The following KCNQ3 variants were observed in gnomAD, a reference collection of about 807,000 sequenced individuals.
KCNQ3 encodes potassium voltage-gated channel subfamily KQT member 3.
In KCNQ3, 30 loss-of-function variants were observed where a neutral mutation model predicts 92.5. The observed-to-expected ratio is 0.32, with a 90% CI of 0.24 to 0.44. KCNQ3 has a LOEUF of 0.44. Among genes scored for constraint, KCNQ3 ranks in the 20% least tolerant of loss-of-function variants. The probability of loss-of-function intolerance (pLI) is 1.00; values close to 1 mark genes in which losing one functional copy is unlikely to be tolerated. For missense variants in KCNQ3, 913 were observed against 1,140.3 expected (o/e 0.80, Z 2.87); for synonymous variants, 450 against 468.8 (o/e 0.96, Z 0.52).
At chr8:132,169,942 C>G (rs1381247714) in intron 8 of KCNQ3, among the ~76,000 whole-genome samples, 2 of 152,076 alleles carry the variant, frequency 1.3e-5, no homozygotes, top group African/African-American at 4.8e-5. Context: ...AGCACAATCT[C>G]TGGTCACAGA....
rs1284573546 is a variant in KCNQ3, at chr8:132,480,547, C to G, written c.-15G>C. The stretch of plus-strand genomic sequence containing the variant: ...TTGAGCCCCATCTGCCTCGCCCCCG[C>G]CGGCCGCTTCGCCTTCTCCGCTGCT... On this transcript the variant is annotated 5_prime_UTR_variant, in exon 1 of 15. Transcript: ENST00000388996. 4 of 1,255,098 alleles carry G rather than the reference C, an allele frequency of 3.2e-6. No homozygotes were observed. Among genetic ancestry groups the G allele is most frequent in the Non-Finnish European group, 2.0e-6 (2 of 978,614 alleles). 77.7% of individuals were successfully genotyped at this position (1,255,098 alleles called of 1,614,324 possible). A position where few individuals can be genotyped will look rare whatever the true frequency, so the allele number is the denominator to read the frequency against.
At chr8:132,130,066 GA>G in intron 14 of KCNQ3, 70 bp from the exon 15 acceptor site, 2 of 1,409,546 alleles carry the variant, frequency 1.4e-6, no homozygotes. Context: ...TGGTTGGGAG[GA>G]AATATTCTTT....
At chr8:132,435,925 G>A (rs190968830) in intron 1 of KCNQ3, among the ~76,000 whole-genome samples, 23 of 152,190 alleles carry the variant, frequency 1.5e-4, no homozygotes, top group Middle Eastern at 6.8e-3. Context: ...GTATTGCCCC[G>A]CCAGCTTCCA....
At chr8:132,256,359 T>C (rs189234257) in intron 1 of KCNQ3, among the ~76,000 whole-genome samples, 27 of 152,126 alleles carry the variant, frequency 1.8e-4, no homozygotes, top group Admixed American at 1.6e-3. Flanking sequence ...CCTAGAGACC[T>C]GAGAGACACC....
At chr8:132,398,536 G>A (rs1820253442) in intron 1 of KCNQ3, among the ~76,000 whole-genome samples, 1 of 152,148 alleles carries the variant, frequency 6.6e-6, no homozygotes, top group Non-Finnish European at 1.5e-5. Context: ...CATTTGGGGT[G>A]CCCGAAGAAC....
chr8:132,183,907 G>A (rs1826872553), intron 3 of KCNQ3, among the ~76,000 whole-genome samples: 1 of 152,204 alleles, frequency 6.6e-6, no homozygotes, highest in Admixed American at 6.5e-5. Context: ...GATTGTCACA[G>A]TGACTGGGGG....
At chr8:132,267,316 T>C (rs1342146463) in intron 1 of KCNQ3, among the ~76,000 whole-genome samples, 2 of 152,176 alleles carry the variant, frequency 1.3e-5, no homozygotes, top group African/African-American at 2.4e-5. Context: ...CCATTGCCAT[T>C]ATCTTGACTC....
At chr8:132,372,749 G>C (rs1164138661) in intron 1 of KCNQ3, among the ~76,000 whole-genome samples, 1 of 117,410 alleles carries the variant, frequency 8.5e-6, no homozygotes, top group African/African-American at 3.8e-5. Context: ...CACAGAGTGA[G>C]ACTTTGTCTC....
chr8:132,398,775 G>T (rs979468256), intron 1 of KCNQ3, among the ~76,000 whole-genome samples: 3 of 152,188 alleles, frequency 2.0e-5, no homozygotes, highest in African/African-American at 7.2e-5. Context: ...GAAGCAAAGG[G>T]AGAGAAGGAA....
intron 1 of KCNQ3, among the ~76,000 whole-genome samples, chr8:132,261,432 C>G (rs1815781965): frequency 6.6e-6 from 1 of 152,224 alleles, no homozygotes; most frequent in African/African-American, 2.4e-5. Flanking sequence ...TGGCCTGAGT[C>G]TCTCATGCAT....
chr8:132,458,336 G>A (rs376920303), intron 1 of KCNQ3, among the ~76,000 whole-genome samples: 2 of 152,234 alleles, frequency 1.3e-5, no homozygotes, highest in African/African-American at 4.8e-5. Context: ...GCATTGCAGT[G>A]GGCCAGGCCC....
At chr8:132,433,190 C>T (rs1004614935) in intron 1 of KCNQ3, among the ~76,000 whole-genome samples, 3 of 152,088 alleles carry the variant, frequency 2.0e-5, no homozygotes, top group Non-Finnish European at 4.4e-5. Flanking sequence ...TAGAAGTCAA[C>T]CCCACTCATC....
intron 1 of KCNQ3, among the ~76,000 whole-genome samples, chr8:132,383,721 G>A (rs772515504): frequency 5.9e-5 from 9 of 152,142 alleles, no homozygotes; most frequent in Non-Finnish European, 1.2e-4. Context: ...GATGCGGATC[G>A]GGACAGGGTG....
At chr8:132,291,883 A>G (rs1816846146) in intron 1 of KCNQ3, among the ~76,000 whole-genome samples, 1 of 152,226 alleles carries the variant, frequency 6.6e-6, no homozygotes, top group African/African-American at 2.4e-5. Context: ...CTTGGCCTCC[A>G]TAAGTTGCAG....
At chr8:132,224,345 G>A (rs1814338882) in intron 1 of KCNQ3, among the ~76,000 whole-genome samples, 1 of 152,010 alleles carries the variant, frequency 6.6e-6, no homozygotes, top group African/African-American at 2.4e-5. Flanking sequence ...AGGATTAATT[G>A]CTTTTTAAAA....
At chr8:132,165,125 C>G (rs1826105551) in intron 8 of KCNQ3, among the ~76,000 whole-genome samples, 1 of 152,164 alleles carries the variant, frequency 6.6e-6, no homozygotes, top group Non-Finnish European at 1.5e-5. Context: ...CAGCTGTCAC[C>G]TACACTCACT....
intron 1 of KCNQ3, among the ~76,000 whole-genome samples, chr8:132,353,248 C>CA (rs954646144): frequency 6.6e-6 from 1 of 151,342 alleles, no homozygotes; most frequent in Non-Finnish European, 1.5e-5. Flanking sequence ...AGCCCTCCGC[C>CA]AAAAAAAGTA....
intron 1 of KCNQ3, among the ~76,000 whole-genome samples, chr8:132,379,396 G>C (rs1395405177): frequency 2.0e-5 from 3 of 151,948 alleles, no homozygotes; most frequent in Non-Finnish European, 4.4e-5. Flanking sequence ...GACTCATGTT[G>C]TTCAGTTGAG....
intron 1 of KCNQ3, among the ~76,000 whole-genome samples, chr8:132,230,326 G>C (rs377157362): frequency 6.6e-6 from 1 of 151,688 alleles, no homozygotes; most frequent in African/African-American, 2.4e-5. Flanking sequence ...AAGCCCCCCC[G>C]CCCACTAGAG....
Sources: allele counts gnomAD v4.1 joint callset (sites outside exome capture counted in the v4.1 genomes callset), GRCh38; gene constraint gnomAD v4.1.1; transcripts MANE v1.5; gene names NCBI Gene and HGNC (gene_info 2026-07-23, HGNC 2026-07-21).